Variants in TPD52L1 observed in about 807,000 individuals in gnomAD.
The protein encoded by TPD52L1 is tumor protein D53.
Under a neutral mutation model 28.7 loss-of-function variants are expected in TPD52L1, and 18 were observed. The observed-to-expected ratio is 0.63, with a 90% CI of 0.43 to 0.93. The LOEUF (loss-of-function observed/expected upper bound fraction) is 0.93. Ranked by LOEUF, TPD52L1 falls within the 40% of genes least tolerant of loss-of-function variation. TPD52L1 has a pLI of 0.00. For synonymous variants in TPD52L1, 75 were observed against 88.8 expected, an observed-to-expected ratio of 0.84 and a Z score of 0.88; for missense variants, 203 against 254.8, an observed-to-expected ratio of 0.80 and a Z score of 1.39.
chr6:125,189,301 T>G (rs1792875789), intron 1 of TPD52L1, among the ~76,000 whole-genome samples: 1 of 152,202 alleles, frequency 6.6e-6, no homozygotes, highest in African/African-American at 2.4e-5. Flanking sequence ...AGTTGTACAC[T>G]ATTCTAAATA....
chr6:125,174,139 G>A (rs145712631), intron 1 of TPD52L1, among the ~76,000 whole-genome samples: 138 of 152,280 alleles, frequency 9.1e-4, no homozygotes, highest in African/African-American at 3.2e-3. Context: ...GCTTATGACT[G>A]TGCTTGGGTA....
At chr6:125,236,828 C>T (rs1796284967) in intron 3 of TPD52L1, among the ~76,000 whole-genome samples, 1 of 152,160 alleles carries the variant, frequency 6.6e-6, no homozygotes, top group Non-Finnish European at 1.5e-5. Flanking sequence ...CCCTAGGGCT[C>T]AGTCCATTCT....
intron 1 of TPD52L1, among the ~76,000 whole-genome samples, chr6:125,172,537 T>TATATATATATAATATATATATATA (rs1562214500): frequency 4.5e-5 from 4 of 88,882 alleles, no homozygotes; most frequent in Non-Finnish European, 6.2e-5. Context: ...TATATATATA[T>TATATATATATAATATATATATATA]ATATATATAT....
intron 1 of TPD52L1, among the ~76,000 whole-genome samples, chr6:125,178,652 AAAC>A (rs1380183119): frequency 8.8e-4 from 106 of 120,192 alleles, no homozygotes; most frequent in African/African-American, 2.6e-3. Context: ...AAACAAAACA[AAAC>A]AAAATATATA....
chr6:125,258,730 G>T (rs1333127141), intron 6 of TPD52L1, among the ~76,000 whole-genome samples: 1 of 151,914 alleles, frequency 6.6e-6, no homozygotes, highest in Non-Finnish European at 1.5e-5. Context: ...ACCTCACTTG[G>T]ATAGAAGGTA....
intron 1 of TPD52L1, among the ~76,000 whole-genome samples, chr6:125,205,050 T>G (rs1253274841): frequency 6.6e-6 from 1 of 152,218 alleles, no homozygotes; most frequent in Non-Finnish European, 1.5e-5. Flanking sequence ...GTTTTTCAAG[T>G]AGATTTTGTT....
chr6:125,171,630 G>A (rs1791304529), intron 1 of TPD52L1, among the ~76,000 whole-genome samples: 1 of 152,112 alleles, frequency 6.6e-6, no homozygotes, highest in Admixed American at 6.5e-5. Flanking sequence ...ACAAAAACCT[G>A]GTTCTTTAGT....
rs1436590535 is a variant in TPD52L1, at chr6:125,153,854, G to T, written c.-98G>T. On this transcript the variant is annotated 5_prime_UTR_variant, in exon 1 of 7. Coordinates refer to ENST00000534000, the MANE Select transcript of TPD52L1 (RefSeq NM_003287.4). ...ACACGCGTGCCAGGAGTGGGAGCGAGCGGCGGGGCCAGCTGCGTTCTGAGC... is the reference window on the plus strand; with the variant it reads ...ACACGCGTGCCAGGAGTGGGAGCGATCGGCGGGGCCAGCTGCGTTCTGAGC... The T allele has an allele frequency of 7.1e-7, 1 of 1,403,326 alleles. No individual in the cohort carries two copies. Among genetic ancestry groups the T allele is most frequent in the Non-Finnish European group, 9.5e-7 (1 of 1,049,764 alleles). 86.9% of individuals were successfully genotyped at this position (1,403,326 alleles called of 1,614,324 possible).
At chr6:125,194,272 A>T (rs188833981) in intron 1 of TPD52L1, among the ~76,000 whole-genome samples, 213 of 152,328 alleles carry the variant, frequency 1.4e-3, no homozygotes, top group Non-Finnish European at 2.0e-3. Flanking sequence ...TTAACTCACC[A>T]TTAACTCTAC....
chr6:125,257,223 G>A (rs779980333), intron 6 of TPD52L1, 65 bp downstream of exon 6: 28 of 1,449,714 alleles, frequency 1.9e-5, no homozygotes, highest in South Asian at 1.2e-4. Context: ...CCATTGCTGC[G>A]GTTAGTTTAA....
At chr6:125,230,591 T>C (rs1215977863) in intron 3 of TPD52L1, among the ~76,000 whole-genome samples, 1 of 152,216 alleles carries the variant, frequency 6.6e-6, no homozygotes, top group Non-Finnish European at 1.5e-5. Flanking sequence ...CAGCCAAATT[T>C]GCCTGCTGGT....
chr6:125,171,946 T>TCTTGC (rs769015700), intron 1 of TPD52L1, among the ~76,000 whole-genome samples: 2 of 152,130 alleles, frequency 1.3e-5, no homozygotes, highest in African/African-American at 2.4e-5. Context: ...TTTTTTGTGC[T>TCTTGC]CTTGCCTTGC....
intron 2 of TPD52L1, 56 bp from the exon 3 acceptor site, chr6:125,229,062 G>A (rs1175136591): frequency 6.3e-7 from 1 of 1,575,822 alleles, no homozygotes; most frequent in Non-Finnish European, 8.6e-7. Flanking sequence ...GCTTCTGTAA[G>A]TATCCTTTTT....
At chr6:125,240,314 T>A (rs192188047) in intron 3 of TPD52L1, among the ~76,000 whole-genome samples, 12 of 152,268 alleles carry the variant, frequency 7.9e-5, no homozygotes, top group African/African-American at 2.6e-4. Context: ...TGGGCTTTTT[T>A]GGGGGTTCCA....
chr6:125,200,581 T>G (rs1239180123), intron 1 of TPD52L1, among the ~76,000 whole-genome samples: 1 of 152,210 alleles, frequency 6.6e-6, no homozygotes, highest in African/African-American at 2.4e-5. Context: ...CTCACCCTTT[T>G]GCAGCAGCCA....
chr6:125,235,588 G>T (rs1207703117), intron 3 of TPD52L1, among the ~76,000 whole-genome samples: 3 of 152,110 alleles, frequency 2.0e-5, no homozygotes, highest in Non-Finnish European at 4.4e-5. Context: ...TAAGTACTTG[G>T]AGCCCAATGG....
intron 1 of TPD52L1, chr6:125,214,540 CAAGA>C: frequency 1.4e-6 from 1 of 728,562 alleles, no homozygotes; most frequent in Non-Finnish European, 1.7e-6. Flanking sequence ...TTTGCTATGC[CAAGA>C]GAGAAATAAT....
At chr6:125,156,938 A>G (rs947346819) in intron 1 of TPD52L1, among the ~76,000 whole-genome samples, 1 of 152,188 alleles carries the variant, frequency 6.6e-6, no homozygotes, top group Non-Finnish European at 1.5e-5. Context: ...TAAGATTTTC[A>G]TTTTCAGACT....
chr6:125,215,491 C>T (rs1194381537), intron 1 of TPD52L1, among the ~76,000 whole-genome samples: 1 of 152,100 alleles, frequency 6.6e-6, no homozygotes, highest in African/African-American at 2.4e-5. Flanking sequence ...AAAATATGTG[C>T]CTAGGTAGAG....
Sources: allele counts gnomAD v4.1 joint callset (sites outside exome capture counted in the v4.1 genomes callset), GRCh38; gene constraint gnomAD v4.1.1; transcripts MANE v1.5; gene names NCBI Gene and HGNC (gene_info 2026-07-23, HGNC 2026-07-21).